The following UGT1A8 variants were observed in gnomAD, a reference collection of about 807,000 sequenced individuals.
The protein encoded by UGT1A8 is UDP glucuronosyltransferase family 1 member A8.
A neutral mutation model predicts 45.3 loss-of-function variants in UGT1A8; 39 were observed. The ratio of observed to expected loss-of-function variants is 0.86; its 90% CI spans 0.67 to 1.12. The LOEUF is 1.12. Ranked by LOEUF, UGT1A8 falls within the 50% of genes most tolerant of loss-of-function variation. The pLI is 0.00. For missense variants in UGT1A8, 719 were observed against 664.9 expected (o/e 1.08, Z -0.90); for synonymous variants, 275 against 249.2 (o/e 1.10, Z -0.97).
At chr2:233,748,812 T>C (rs1268165995) in intron 1 of UGT1A8, among the ~76,000 whole-genome samples, 2 of 151,274 alleles carry the variant, frequency 1.3e-5, no homozygotes. Context: ...CAAGAAATTG[T>C]GGAAGGGTCT....
At chr2:233,717,660 C>T (rs1182595168) in intron 1 of UGT1A8, 1 of 409,710 alleles carries the variant, frequency 2.4e-6, no homozygotes, top group Non-Finnish European at 5.0e-6. Context: ...AAGGAAGCAT[C>T]AGCAATCTTG....
chr2:233,622,043 C>T (rs1334004913), intron 1 of UGT1A8, among the ~76,000 whole-genome samples: 4 of 152,148 alleles, frequency 2.6e-5, no homozygotes, highest in Non-Finnish European at 5.9e-5. Context: ...ATCTATGTCC[C>T]TGCAAAGGAC....
intron 1 of UGT1A8, among the ~76,000 whole-genome samples, chr2:233,665,161 A>G (rs2074047326): frequency 1.3e-5 from 2 of 152,352 alleles, no homozygotes; most frequent in Admixed American, 6.5e-5. Context: ...TTCATTTGCC[A>G]ATAAATTATA....
intron 1 of UGT1A8, among the ~76,000 whole-genome samples, chr2:233,735,163 G>C (rs2078615776): frequency 7.0e-6 from 1 of 143,406 alleles, no homozygotes. Context: ...CTCTGTGTAG[G>C]TCTCTAAGAA....
rs1029490682 is a variant in UGT1A8 at position 233,635,195 on chromosome 2, T to C, written c.855+16633T>C. ...TGCTGTTAGTCTGATGAACTTCTTT[T>C]CGTGTGTAACAGGACCTTTCTCTCT... On this transcript the variant is annotated intron_variant, in intron 1 of 4. Transcript: ENST00000373450. 5.3e-5 allele frequency among the ~76,000 whole-genome samples: 8 copies of C among 150,768 alleles called. 1 individual carries two copies. Among genetic ancestry groups the C allele is most frequent in the Non-Finnish European group, 1.2e-4 (8 of 67,922 alleles).
At position 233,769,924 on chromosome 2, in the gene UGT1A8, G is replaced by A. The variant is rs1699985317; in HGVS notation, c.1295+1485G>A. On this transcript the variant is annotated intron_variant, in intron 4 of 4. Coordinates refer to ENST00000373450, the MANE Select transcript of UGT1A8 (RefSeq NM_019076.5). This position sits in a 1 kb window ranked among gnomAD's most constrained non-coding sequence, Gnocchi z 4.4. Reference sequence around the variant, plus strand: ...TCATGTGCCCAGAGCGTTGGGTGGTGTGGTCCCATTCCTTCCTTCCAGCGG... The same window carrying A: ...TCATGTGCCCAGAGCGTTGGGTGGTATGGTCCCATTCCTTCCTTCCAGCGG... 1.1e-5 allele frequency: 3 copies of A among 268,160 alleles called. No individual in the cohort carries two copies. In the South Asian group the frequency reaches 2.2e-4, roughly 20 times the overall value. 16.6% of individuals were successfully genotyped at this position (268,160 alleles called of 1,614,324 possible). A position where few individuals can be genotyped will look rare whatever the true frequency, so the allele number is the denominator to read the frequency against.
In UGT1A8 at chr2:233,658,380, G is replaced by C. The variant is rs376454918; in HGVS notation, c.855+39818G>C. On this transcript the variant is annotated intron_variant, in intron 1 of 4. Coordinates refer to ENST00000373450, the MANE Select transcript of UGT1A8 (RefSeq NM_019076.5). ...TATCACAACTCATTAACCAACATTT[G>C]ATACATTATGATGAACTAAAGTCTG... Among the ~76,000 whole-genome samples, 4 of 152,178 alleles carry C rather than the reference G, an allele frequency of 2.6e-5. No individual in the cohort carries two copies. In the East Asian group the frequency reaches 7.7e-4, roughly 29 times the overall value.
intron 1 of UGT1A8, chr2:233,760,308 C>A (rs780253764): frequency 4.3e-6 from 7 of 1,613,678 alleles, no homozygotes; most frequent in South Asian, 1.1e-5. Context: ...AGTCCCAGGG[C>A]GGACGCCCAC....
At chr2:233,640,392 T>G (rs2073419748) in intron 1 of UGT1A8, among the ~76,000 whole-genome samples, 1 of 152,112 alleles carries the variant, frequency 6.6e-6, no homozygotes, top group African/African-American at 2.4e-5. Context: ...AATATTTTAT[T>G]AAATATAAAA....
intron 1 of UGT1A8, among the ~76,000 whole-genome samples, chr2:233,650,683 G>A (rs1233421732): frequency 6.6e-6 from 1 of 151,978 alleles, no homozygotes; most frequent in Non-Finnish European, 1.5e-5. Flanking sequence ...TAAATTTTAT[G>A]CTATTGCTTC....
intron 1 of UGT1A8, among the ~76,000 whole-genome samples, chr2:233,697,022 T>C (rs964900890): frequency 1.3e-5 from 2 of 152,140 alleles, no homozygotes; most frequent in Non-Finnish European, 2.9e-5. Flanking sequence ...GTCAGAGATA[T>C]GGGCCCGCAG....
chr2:233,754,773 G>A (rs1178551708), intron 1 of UGT1A8: 7 of 1,057,998 alleles, frequency 6.6e-6, no homozygotes, highest in Non-Finnish European at 9.2e-6. Context: ...ACTTCCCAGG[G>A]AGCCAAAGGA....
chr2:233,626,582 G>T (rs983178380), intron 1 of UGT1A8, among the ~76,000 whole-genome samples: 1 of 152,052 alleles, frequency 6.6e-6, no homozygotes, highest in Non-Finnish European at 1.5e-5. Flanking sequence ...GAAATGAATT[G>T]TTTGGGGCTT....
intron 1 of UGT1A8, among the ~76,000 whole-genome samples, chr2:233,660,108 G>A (rs1167304782): frequency 6.6e-6 from 1 of 152,110 alleles, no homozygotes; most frequent in Non-Finnish European, 1.5e-5. Context: ...GTGAAGTCAC[G>A]CACAACATCT....
At chr2:233,687,087 G>A (rs1165875503) in intron 1 of UGT1A8, among the ~76,000 whole-genome samples, 2 of 152,182 alleles carry the variant, frequency 1.3e-5, no homozygotes, top group Admixed American at 1.3e-4. Context: ...AAGTACTTCA[G>A]CTGTGACACT....
chr2:233,755,066 A>G, intron 1 of UGT1A8: 1 of 1,335,668 alleles, frequency 7.5e-7, no homozygotes, highest in Non-Finnish European at 1.0e-6. Flanking sequence ...TCGCCTCGCC[A>G]TAGCGGTCAT....
chr2:233,629,824 G>T (rs906630637), intron 1 of UGT1A8, among the ~76,000 whole-genome samples: 12 of 152,048 alleles, frequency 7.9e-5, no homozygotes, highest in African/African-American at 2.7e-4. Context: ...TTCTATTGGG[G>T]TTATGCATTT....
intron 1 of UGT1A8, among the ~76,000 whole-genome samples, chr2:233,643,575 C>G (rs72984472): frequency 2.3e-4 from 35 of 152,178 alleles, no homozygotes; most frequent in Admixed American, 3.9e-4. Flanking sequence ...AGTTATAAGG[C>G]AAAGTCCCCT....
intron 1 of UGT1A8, among the ~76,000 whole-genome samples, chr2:233,654,557 G>A (rs768604745): frequency 2.6e-5 from 4 of 152,186 alleles, no homozygotes; most frequent in Non-Finnish European, 5.9e-5. Context: ...ATAATTGTTT[G>A]TAATATATAA....
Sources: allele counts gnomAD v4.1 joint callset (sites outside exome capture counted in the v4.1 genomes callset), GRCh38; gene constraint gnomAD v4.1.1; non-coding constraint Gnocchi (gnomAD v3.1); transcripts MANE v1.5; gene names NCBI Gene and HGNC (gene_info 2026-07-23, HGNC 2026-07-21).